The following MYO7B variants were observed in gnomAD, a reference collection of about 807,000 sequenced individuals.
The protein encoded by MYO7B is unconventional myosin-VIIb.
A neutral mutation model predicts 259.7 loss-of-function variants in MYO7B; 212 were observed. The ratio of observed to expected loss-of-function variants is 0.82; its 90% confidence interval spans 0.73 to 0.91. The LOEUF (loss-of-function observed/expected upper bound fraction) is 0.91. MYO7B is among the 40% of genes least tolerant of loss of function. The pLI is 0.00. For missense variants in MYO7B, 2,732 were observed against 2,813.5 expected (o/e 0.97, Z 0.66); for synonymous variants, 1,197 against 1,166.4 (o/e 1.03, Z -0.54).
intron 2 of MYO7B, among the ~76,000 whole-genome samples, chr2:127,562,323 C>T (rs1287106368): frequency 6.6e-6 from 1 of 151,914 alleles, no homozygotes; most frequent in Non-Finnish European, 1.5e-5. Context: ...TCTTTTTTGA[C>T]AGAGTCTCTG....
At position 127,582,381 on chromosome 2, in the gene MYO7B, C is replaced by T; in HGVS notation, c.1278C>T (p.Pro426=). 1 of 1,613,352 alleles carries T rather than the reference C, an allele frequency of 6.2e-7. No homozygotes were observed. The highest frequency in any genetic ancestry group is 8.5e-7 in the Non-Finnish European group (1 of 1,179,668). Residue 426 remains proline (P), a synonymous_variant, in exon 12 of 48, where the codon CCC becomes CCT. Transcript: ENST00000409816. ...AAIFTPPAQD[P]KNVRRAIGLL... is the part of the protein sequence containing the mutation. Reference sequence around the variant, plus strand: ...TCTTCACACCACCAGCCCAGGACCCCAAAAATGTGCGGAGGGCCATCGGCC... The same window carrying T: ...TCTTCACACCACCAGCCCAGGACCCTAAAAATGTGCGGAGGGCCATCGGCC...
chr2:127,570,777 C>A (rs1309190033), intron 6 of MYO7B, among the ~76,000 whole-genome samples: 10 of 151,934 alleles, frequency 6.6e-5, no homozygotes, highest in African/African-American at 2.4e-4. Flanking sequence ...CCTCCCCTGG[C>A]AACTACTGAT....
Position 127,584,318 on chromosome 2 carries a change from A to G in MYO7B, c.1540A>G (p.Ser514Gly). 2 of 1,613,896 alleles carry G rather than the reference A, an allele frequency of 1.2e-6. No homozygotes were observed. The highest frequency in any genetic ancestry group is 1.7e-6 in the Non-Finnish European group (2 of 1,179,870). ...CATCATCTCCCTCCTGGACGAAGAA[A>G]GCCGCTTCCCGCAGGTGTGTGTTCG... ...MSIISLLDEE[S>G]RFPQGTDLTM... Residue 514 changes from serine to glycine, a missense_variant, in exon 13 of 48, where the codon AGC (serine) becomes GGC (glycine). Physicochemically the swap from Ser to Gly is moderately conservative, Grantham distance 56. Around this residue, in one of 3 missense-constraint regions of MYO7B, gnomAD observed 1,906 missense variants for 2,026.4 expected, o/e 0.94. Transcript: ENST00000409816. The surrounding 1 kb of genome is among the most constrained non-coding windows in gnomAD (Gnocchi z 5.8).
rs143566138 is a variant in MYO7B at position 127,606,416 on chromosome 2, G to A, written c.2424+488G>A. On this transcript the variant is annotated intron_variant, in intron 20 of 47. Coordinates refer to ENST00000409816, the MANE Select transcript of MYO7B (RefSeq NM_001393586.1). ...TCACGGATGTGACTGGTTATGACACGAAATGGTCACATCAGCAAGACTGGC... is the reference window on the plus strand; with the variant it reads ...TCACGGATGTGACTGGTTATGACACAAAATGGTCACATCAGCAAGACTGGC... 2.0e-4 allele frequency among the ~76,000 whole-genome samples: 30 copies of A among 152,328 alleles called. No homozygotes were observed. The South Asian group carries it at 3.5e-3, about 18-fold the overall frequency.
chr2:127,626,856 G>A (rs1681153334), intron 31 of MYO7B, 119 bp from the exon 32 acceptor site: 5 of 920,234 alleles, frequency 5.4e-6, no homozygotes, highest in African/African-American at 1.7e-5. Context: ...TCCATCTCCA[G>A]ACACTGGCCT....
chr2:127,574,387 A>G (rs1362399262), intron 7 of MYO7B, among the ~76,000 whole-genome samples: 1 of 152,162 alleles, frequency 6.6e-6, no homozygotes, highest in Non-Finnish European at 1.5e-5. Context: ...AATATGAAAA[A>G]AAAAATTAGC....
rs779428502 is a variant in MYO7B, at chr2:127,628,343, C to T, written c.4461-29C>T. ...CTGGATCAGGGGAAGGTGGAGGGGG[C>T]TCCTGGTCACGCTGTCCTTCATCTC... On this transcript the variant is annotated intron_variant, in intron 33 of 47. Coordinates refer to ENST00000409816, the MANE Select transcript of MYO7B (RefSeq NM_001393586.1). The surrounding 1 kb of genome is among the most constrained non-coding windows in gnomAD (Gnocchi z 4.8). The T allele has an allele frequency of 1.5e-5, 24 of 1,579,394 alleles. No homozygotes were observed. The highest frequency in any genetic ancestry group is 4.0e-5 in the African/African-American group (3 of 74,630).
chr2:127,591,671 G>A (rs932661167), intron 16 of MYO7B, among the ~76,000 whole-genome samples: 3 of 152,222 alleles, frequency 2.0e-5, no homozygotes, highest in Non-Finnish European at 4.4e-5. Context: ...TGCAGGTGGG[G>A]TAACAGTGCC....
chr2:127,572,818 G>A (rs1394600172), intron 6 of MYO7B, among the ~76,000 whole-genome samples: 10 of 151,990 alleles, frequency 6.6e-5, no homozygotes, highest in Admixed American at 1.3e-4. Flanking sequence ...TATAGGAAGC[G>A]GTGCAATCAG....
chr2:127,624,138 G>A lies in MYO7B; in HGVS notation c.3865G>A (p.Ala1289Thr), dbSNP rs192204741. ...GCGCGACCACATGATGGATGCCATCGCCCGGTGTGAGCAGATGGCCCAGGA... is the reference window on the plus strand; with the variant it reads ...GCGCGACCACATGATGGATGCCATCACCCGGTGTGAGCAGATGGCCCAGGA... ...SGRDHMMDAI[A>T]RCEQMAQERG... The change falls in exon 30 of 48, where the codon GCC becomes ACC. Residue 1289 changes from alanine (A) to threonine (T), a missense_variant. By Grantham distance (58) the Ala-to-Thr change is moderately conservative. This residue lies in a region of MYO7B where 1,906 missense variants were observed against 2,026.4 expected (regional missense o/e 0.94). Transcript: ENST00000409816. 9.0e-5 allele frequency: 143 copies of A among 1,592,098 alleles called. No homozygotes were observed. The East Asian group carries it at 2.9e-3, about 32-fold the overall frequency.
At chr2:127,624,359 C>T in intron 30 of MYO7B, 39 bp downstream of exon 30, 1 of 1,523,876 alleles carries the variant, frequency 6.6e-7, no homozygotes, top group Non-Finnish European at 8.9e-7. Flanking sequence ...TAGGCTTTGC[C>T]ATCAGGAAAC....
Position 127,539,813 on chromosome 2 carries a change from C to A in MYO7B, c.-24+3982C>A, listed in dbSNP as rs1692932489. Among the ~76,000 whole-genome samples, 1 of 152,172 alleles carries A rather than the reference C, an allele frequency of 6.6e-6. No homozygotes were observed. On this transcript the variant is annotated intron_variant, in intron 1 of 47. Coordinates refer to ENST00000409816, the MANE Select transcript of MYO7B (RefSeq NM_001393586.1). This position sits in a 1 kb window ranked among gnomAD's most constrained non-coding sequence, Gnocchi z 4.0. ...GTGTACACTGCACCCAATGTGTAGT[C>A]TTTTGTTGCTCACCCAGCTCCAGCC...
rs749643561 is a variant in MYO7B, at chr2:127,581,942, C to T, written c.1132C>T (p.Arg378Ter). Residue 378 changes from arginine (R) to a stop codon, truncating the protein, a stop_gained, in exon 11 of 48, where the codon CGA (arginine) becomes TGA (stop). Transcript: ENST00000409816. LOFTEE classifies it high-confidence loss of function. ...TCTGATCAAGCACACCATCCTCATCCGAGGGGAATTTGTCACCAGGTCCCT... is the reference window on the plus strand; with the variant it reads ...TCTGATCAAGCACACCATCCTCATCTGAGGGGAATTTGTCACCAGGTCCCT... ...DCLIKHTILI[R>*]GEFVTRSLNI... 1.8e-5 allele frequency: 29 copies of T among 1,613,792 alleles called. No individual in the cohort carries two copies. In the South Asian group the frequency reaches 1.9e-4, roughly 10 times the overall value.
At chr2:127,629,240 C>A (rs1400176447) in intron 34 of MYO7B, among the ~76,000 whole-genome samples, 1 of 152,198 alleles carries the variant, frequency 6.6e-6, no homozygotes, top group African/African-American at 2.4e-5. Context: ...TCCTCACGGC[C>A]ACCGCAGGAG....
At chr2:127,587,658 TC>T (rs1382367409) in intron 14 of MYO7B, among the ~76,000 whole-genome samples, 3 of 149,414 alleles carry the variant, frequency 2.0e-5, no homozygotes, top group African/African-American at 7.4e-5. Flanking sequence ...AACCTCTGCC[TC>T]CGGGCTTCAA....
Position 127,592,835 on chromosome 2 carries a change from G to C in MYO7B, c.2034G>C (p.Ser678=), listed in dbSNP as rs370974785. ...TGTGCCTGCGGCAGCTGCGATACTCGGGCATGATGGAGACCGTGCACATCC... is the reference window on the plus strand; with the variant it reads ...TGTGCCTGCGGCAGCTGCGATACTCCGGCATGATGGAGACCGTGCACATCC... ...RELCLRQLRY[S]GMMETVHIRK... Residue 678 remains serine (S), a synonymous_variant, in exon 17 of 48, where the codon TCG becomes TCC. Coordinates refer to ENST00000409816, the MANE Select transcript of MYO7B (RefSeq NM_001393586.1). 1.9e-6 allele frequency: 3 copies of C among 1,610,180 alleles called. No homozygotes were observed. The highest frequency in any genetic ancestry group is 1.1e-5 in the South Asian group (1 of 90,492).
At chr2:127,557,751 C>A (rs2104839031) in intron 1 of MYO7B, among the ~76,000 whole-genome samples, 1 of 152,256 alleles carries the variant, frequency 6.6e-6, no homozygotes, top group African/African-American at 2.4e-5. Flanking sequence ...GGAAATAACA[C>A]CCTATTCAAC....
At chr2:127,574,192 G>C in intron 7 of MYO7B, 130 bp downstream of exon 7, 2 of 1,158,922 alleles carry the variant, frequency 1.7e-6, no homozygotes, top group Non-Finnish European at 2.4e-6. Context: ...GGCCTCACTG[G>C]ATAATGAGGG....
chr2:127,595,920 C>T (rs1189027291), intron 18 of MYO7B, among the ~76,000 whole-genome samples: 4 of 151,890 alleles, frequency 2.6e-5, no homozygotes, highest in African/African-American at 7.3e-5. Flanking sequence ...CATGTGGTGC[C>T]GAGAAGAATG....
Sources: gnomAD v4.1 joint callset for allele counts (sites outside exome capture counted in the v4.1 genomes callset) on GRCh38, gnomAD v4.1.1 for gene constraint, gnomAD v4.1.1 regional missense constraint, Gnocchi (gnomAD v3.1) non-coding constraint, MANE v1.5 for transcripts, NCBI Gene and HGNC (gene_info 2026-07-23, HGNC 2026-07-21) for gene names.